Variants in DGKI observed in about 807,000 individuals in gnomAD.
DGKI encodes the protein diacylglycerol kinase iota, also known as DAG kinase iota.
In DGKI, 55 loss-of-function variants were observed where a neutral mutation model predicts 147.5. The ratio of observed to expected loss-of-function variants is 0.37; its 90% CI spans 0.30 to 0.47. The LOEUF is 0.47. Among genes scored for constraint, DGKI ranks in the 20% least tolerant of loss-of-function variants. The pLI is 1.00. For synonymous variants in DGKI, 469 were observed against 477.1 expected, an observed-to-expected ratio of 0.98 and a Z score of 0.22; for missense variants, 1,007 against 1,323.8, an observed-to-expected ratio of 0.76 and a Z score of 3.71.
intron 1 of DGKI, among the ~76,000 whole-genome samples, chr7:137,770,620 G>A (rs1396169138): frequency 1.0e-5 from 1 of 96,316 alleles, no homozygotes; most frequent in African/African-American, 8.1e-5. Flanking sequence ...TGCAAGCTCC[G>A]CCTCCCGGGT....
Position 137,634,148 on chromosome 7 carries a change from A to G in DGKI, c.805-10594T>C, listed in dbSNP as rs531799666. 5.9e-5 allele frequency among the ~76,000 whole-genome samples: 9 copies of G among 152,308 alleles called. 1 individual carries two copies. The South Asian group carries it at 1.9e-3, about 32-fold the overall frequency. ...TAAACCACTAAGAATGAAACACAGC[A>G]CTTTATTTGGCCTTTCTGGGTTCTG... On this transcript the variant is annotated intron_variant, in intron 6 of 32. Coordinates refer to ENST00000614521, the MANE Select transcript of DGKI (RefSeq NM_001321708.2).
chr7:137,425,620 A>C (rs1197601041), intron 28 of DGKI, among the ~76,000 whole-genome samples: 1 of 152,220 alleles, frequency 6.6e-6, no homozygotes, highest in Non-Finnish European at 1.5e-5. Flanking sequence ...GAGGAAATTC[A>C]AACCAAAGGC....
chr7:137,575,174 C>A (rs1393211248), intron 17 of DGKI, among the ~76,000 whole-genome samples: 1 of 152,204 alleles, frequency 6.6e-6, no homozygotes, highest in African/African-American at 2.4e-5. Context: ...ATATACCTAG[C>A]AAAGGTAGAC....
rs541523697 is a variant in DGKI at position 137,768,941 on chromosome 7, G to A, written c.401+77521C>T. On this transcript the variant is annotated intron_variant, in intron 1 of 32. Coordinates refer to ENST00000614521, the MANE Select transcript of DGKI (RefSeq NM_001321708.2). ...AGGTGTTAGCACTCTGTATTCTGAG[G>A]CACGTTGTAATAGTCATTGTCAGAG... 2.4e-4 allele frequency among the ~76,000 whole-genome samples: 37 copies of A among 152,236 alleles called. 1 individual carries two copies. The highest frequency in any genetic ancestry group is 2.4e-3 in the Admixed American group (36 of 15,288).
intron 21 of DGKI, among the ~76,000 whole-genome samples, chr7:137,508,769 C>G (rs1045904469): frequency 6.6e-6 from 1 of 151,750 alleles, no homozygotes; most frequent in Admixed American, 6.6e-5. Flanking sequence ...GGGTAAGAGC[C>G]TAAATAATTA....
chr7:137,735,750 A>G (rs978027086), intron 1 of DGKI, among the ~76,000 whole-genome samples: 8 of 152,040 alleles, frequency 5.3e-5, no homozygotes, highest in Admixed American at 5.2e-4. Flanking sequence ...AACTCTTAGT[A>G]CTCCAAATGT....
chr7:137,571,102 T>A lies in DGKI; in HGVS notation c.1947+73A>T, dbSNP rs539765806. 58 of 1,125,378 alleles carry A rather than the reference T, an allele frequency of 5.2e-5. No homozygotes were observed. The Admixed American group carries it at 1.3e-3, about 25-fold the overall frequency. 69.7% of individuals were successfully genotyped at this position (1,125,378 alleles called of 1,614,324 possible). The stretch of plus-strand genomic sequence containing the variant: ...TGATAAAGCAGGAGAAAAAGTTAAC[T>A]AAAGTCCTGTGAATTGAATAAACTC... On this transcript the variant is annotated intron_variant, in intron 19 of 32. Transcript: ENST00000614521.
chr7:137,531,144 G>A (rs1817324370), intron 20 of DGKI, among the ~76,000 whole-genome samples: 1 of 152,028 alleles, frequency 6.6e-6, no homozygotes, highest in South Asian at 2.1e-4. Flanking sequence ...AAGTACCACA[G>A]GAAATAGAAA....
At position 137,756,249 on chromosome 7, in the gene DGKI, G is replaced by A. The variant is rs182243396; in HGVS notation, c.402-66247C>T. Among the ~76,000 whole-genome samples, 15 of 152,268 alleles carry A rather than the reference G, an allele frequency of 9.9e-5. 1 individual carries two copies. In the Middle Eastern group the frequency reaches 0.024, roughly 242 times the overall value. ...GAGATAATATGCCAAGACCTGCTGT[G>A]CCCTCCCAGCCAAGCGTGACCTCAC... On this transcript the variant is annotated intron_variant, in intron 1 of 32. Coordinates refer to ENST00000614521, the MANE Select transcript of DGKI (RefSeq NM_001321708.2).
intron 1 of DGKI, among the ~76,000 whole-genome samples, chr7:137,792,899 G>A (rs779039941): frequency 2.0e-5 from 3 of 152,194 alleles, no homozygotes; most frequent in Non-Finnish European, 2.9e-5. Flanking sequence ...CTGCAGAACC[G>A]TGAACCAAAT....
At chr7:137,830,485 C>T (rs1275422818) in intron 1 of DGKI, among the ~76,000 whole-genome samples, 1 of 152,184 alleles carries the variant, frequency 6.6e-6, no homozygotes, top group East Asian at 1.9e-4. Context: ...ACAAAGGCAC[C>T]ATATGTGCTA....
intron 28 of DGKI, among the ~76,000 whole-genome samples, chr7:137,438,339 T>A (rs931452178): frequency 7.5e-5 from 11 of 146,762 alleles, no homozygotes; most frequent in Non-Finnish European, 1.6e-4. Context: ...TTTGATCTCA[T>A]GTGTAATCAT....
Position 137,390,823 on chromosome 7 carries a change from G to A in DGKI, c.*397C>T, listed in dbSNP as rs1562989770. On this transcript the variant is annotated 3_prime_UTR_variant, in exon 33 of 33. Coordinates refer to ENST00000614521, the MANE Select transcript of DGKI (RefSeq NM_001321708.2). ...ATATTTTTCTTTAAGTTGATGGGTA[G>A]TTACAGTAGAATTGTATGGTACAGG... 1 of 174,156 alleles carries A rather than the reference G, an allele frequency of 5.7e-6. No individual in the cohort carries two copies. The highest frequency in any genetic ancestry group is 1.2e-5 in the Non-Finnish European group (1 of 80,902). 10.8% of individuals were successfully genotyped at this position (174,156 alleles called of 1,614,324 possible).
At chr7:137,675,829 C>T (rs1823018129) in intron 3 of DGKI, among the ~76,000 whole-genome samples, 2 of 152,146 alleles carry the variant, frequency 1.3e-5, no homozygotes, top group South Asian at 4.1e-4. Flanking sequence ...AAGTTAGAGT[C>T]AGTGGATTCT....
At chr7:137,479,748 G>A (rs1254409575) in intron 23 of DGKI, among the ~76,000 whole-genome samples, 1 of 151,972 alleles carries the variant, frequency 6.6e-6, no homozygotes, top group African/African-American at 2.4e-5. Context: ...TTTAATAATG[G>A]CCAATCAATA....
chr7:137,590,603 G>T (rs1819573944), intron 12 of DGKI, among the ~76,000 whole-genome samples: 1 of 152,178 alleles, frequency 6.6e-6, no homozygotes, highest in Non-Finnish European at 1.5e-5. Context: ...AACGTTAGGG[G>T]GTTAATTCAC....
intron 1 of DGKI, among the ~76,000 whole-genome samples, chr7:137,701,372 T>C (rs1823978734): frequency 6.6e-6 from 1 of 151,662 alleles, no homozygotes; most frequent in Non-Finnish European, 1.5e-5. Flanking sequence ...AAGTTAATAA[T>C]AATAATAAAG....
chr7:137,717,776 G>A (rs559606970), intron 1 of DGKI, among the ~76,000 whole-genome samples: 1 of 152,192 alleles, frequency 6.6e-6, no homozygotes, highest in Non-Finnish European at 1.5e-5. Flanking sequence ...ACAAGAGCAT[G>A]CTTTACCTTC....
intron 1 of DGKI, among the ~76,000 whole-genome samples, chr7:137,788,443 T>C (rs549241879): frequency 6.6e-6 from 1 of 152,250 alleles, no homozygotes; most frequent in South Asian, 2.1e-4. Context: ...AACTTTTCAA[T>C]GGTTCCCAAT....
Sources: allele counts gnomAD v4.1 joint callset (sites outside exome capture counted in the v4.1 genomes callset), GRCh38; gene constraint gnomAD v4.1.1; transcripts MANE v1.5; gene names NCBI Gene and HGNC (gene_info 2026-07-23, HGNC 2026-07-21).